Variants in ACAP2 observed in about 807,000 individuals in gnomAD.
The protein encoded by ACAP2 is ArfGAP with coiled-coil, ankyrin repeat and PH domains 2.
ACAP2 carries 39 observed loss-of-function variants against 115.8 expected under a neutral mutation model. That is an observed-to-expected ratio of 0.34 (90% confidence interval 0.26 to 0.44). The LOEUF (loss-of-function observed/expected upper bound fraction) is 0.44. Ranked by LOEUF, ACAP2 falls within the 20% of genes least tolerant of loss-of-function variation. ACAP2 has a pLI of 1.00. For synonymous variants in ACAP2, 289 were observed against 315.8 expected (o/e 0.92, Z 0.90); for missense variants, 662 against 927.6 (o/e 0.71, Z 3.72).
chr3:195,408,799 G>A (rs1399437964), intron 1 of ACAP2, among the ~76,000 whole-genome samples: 1 of 151,960 alleles, frequency 6.6e-6, no homozygotes, highest in Admixed American at 6.6e-5. Flanking sequence ...TTCAACATAT[G>A]AAGAAAAAAC....
rs139282251 is a variant in ACAP2 at position 195,304,527 on chromosome 3, T to C, written c.1116+1984A>G. ...CTACTGTCGCTGCCCCCCATCTCCA[T>C]GCCACTAGGGGATGACTGCTCTCTA... On this transcript the variant is annotated intron_variant, in intron 13 of 22. Coordinates refer to ENST00000326793, the MANE Select transcript of ACAP2 (RefSeq NM_012287.6). Among the ~76,000 whole-genome samples the C allele has an allele frequency of 5.1e-3, 769 of 152,266 alleles. 5 individuals carry two copies. Among genetic ancestry groups the C allele is most frequent in the African/African-American group, 0.018 (743 of 41,548 alleles).
chr3:195,305,872 A>G (rs1284874036), intron 13 of ACAP2, among the ~76,000 whole-genome samples: 1 of 151,886 alleles, frequency 6.6e-6, no homozygotes, highest in Non-Finnish European at 1.5e-5. Flanking sequence ...TATATTTGGG[A>G]GCTGGAAGTT....
At chr3:195,425,246 T>A (rs145837144) in intron 1 of ACAP2, among the ~76,000 whole-genome samples, 1,951 of 152,186 alleles carry the variant, frequency 0.013, 31 homozygotes, top group African/African-American at 0.043. Flanking sequence ...CAACTACCCA[T>A]CAAGACTTAA....
chr3:195,398,034 A>T (rs1022433820), intron 1 of ACAP2, among the ~76,000 whole-genome samples: 5 of 152,224 alleles, frequency 3.3e-5, no homozygotes, highest in Non-Finnish European at 7.3e-5. Context: ...GAGAGACAAA[A>T]ACACAATACT....
intron 12 of ACAP2, 94 bp downstream of exon 12, chr3:195,307,129 T>C: frequency 4.2e-6 from 4 of 960,990 alleles, no homozygotes; most frequent in Admixed American, 2.2e-5. Context: ...TTAGCACAGA[T>C]ACAGACAAAT....
At chr3:195,307,639 C>T (rs554419268) in intron 11 of ACAP2, among the ~76,000 whole-genome samples, 44 of 152,260 alleles carry the variant, frequency 2.9e-4, no homozygotes, top group African/African-American at 1.1e-3. Context: ...TATATTCACT[C>T]TCCTGGTCCC....
chr3:195,393,012 A>C (rs1017577068), intron 1 of ACAP2, among the ~76,000 whole-genome samples: 9 of 152,198 alleles, frequency 5.9e-5, no homozygotes, highest in Non-Finnish European at 1.5e-5. Flanking sequence ...TACACTGAGT[A>C]AGATATTCTC....
chr3:195,360,093 G>A (rs1443647008), intron 4 of ACAP2, among the ~76,000 whole-genome samples: 2 of 151,970 alleles, frequency 1.3e-5, no homozygotes, highest in Non-Finnish European at 2.9e-5. Context: ...GTGGCTGAAT[G>A]GATAAAGAAA....
chr3:195,307,694 T>C (rs1350742471), intron 11 of ACAP2, among the ~76,000 whole-genome samples: 2 of 152,214 alleles, frequency 1.3e-5, no homozygotes, highest in Non-Finnish European at 2.9e-5. Flanking sequence ...AGAGAAGCTT[T>C]TATTCAGTCA....
chr3:195,359,309 T>C (rs1411023186), intron 4 of ACAP2, among the ~76,000 whole-genome samples: 5 of 152,194 alleles, frequency 3.3e-5, no homozygotes, highest in African/African-American at 1.2e-4. Context: ...ACTGTAATTG[T>C]GCTGTGTAAA....
intron 10 of ACAP2, among the ~76,000 whole-genome samples, chr3:195,310,391 G>C (rs984795363): frequency 1.3e-5 from 2 of 152,304 alleles, no homozygotes; most frequent in Middle Eastern, 3.4e-3. Context: ...CAGATAGTTG[G>C]TTAGAAATGT....
At chr3:195,309,995 A>G (rs1728658998) in intron 10 of ACAP2, among the ~76,000 whole-genome samples, 1 of 152,234 alleles carries the variant, frequency 6.6e-6, no homozygotes, top group African/African-American at 2.4e-5. Flanking sequence ...AAGGTAAAAC[A>G]GTATTTGAAT....
chr3:195,295,189 T>TTCC, intron 17 of ACAP2: 2 of 1,282,438 alleles, frequency 1.6e-6, no homozygotes, highest in Non-Finnish European at 2.0e-6. Context: ...ACAAGAGTAG[T>TTCC]ACTTACTACT....
intron 15 of ACAP2, among the ~76,000 whole-genome samples, chr3:195,299,380 T>G (rs6795232): frequency 0.034 from 5,041 of 149,018 alleles, 144 homozygotes; most frequent in East Asian, 0.1. Flanking sequence ...GAACAGCCTT[T>G]GCAACATGGC....
chr3:195,362,296 A>C (rs1732425134), intron 4 of ACAP2, among the ~76,000 whole-genome samples: 1 of 151,416 alleles, frequency 6.6e-6, no homozygotes, highest in African/African-American at 2.4e-5. Context: ...AGCCTGGGCA[A>C]CAAGAGTGAA....
intron 20 of ACAP2, among the ~76,000 whole-genome samples, chr3:195,290,133 G>A (rs1024446615): frequency 6.6e-6 from 1 of 152,270 alleles, no homozygotes; most frequent in Non-Finnish European, 1.5e-5. Context: ...CTACTCAGAA[G>A]GCAGAGGTAG....
intron 10 of ACAP2, chr3:195,312,844 A>C (rs2109004922): frequency 6.6e-6 from 1 of 152,328 alleles, no homozygotes; most frequent in South Asian, 2.1e-4. Context: ...CTTTTCATCC[A>C]TTGCAAGTAA....
At chr3:195,355,951 T>G in intron 4 of ACAP2, 1 of 329,224 alleles carries the variant, frequency 3.0e-6, no homozygotes. Flanking sequence ...GGCAGAGCAA[T>G]ATGGCCAAAT....
intron 1 of ACAP2, among the ~76,000 whole-genome samples, chr3:195,438,025 TTTTC>T (rs1715693973): frequency 1.7e-5 from 1 of 58,574 alleles, no homozygotes; most frequent in African/African-American, 1.2e-4. Flanking sequence ...CCTGCAAGAA[TTTTC>T]TTTTTTTTTT....
Sources: gnomAD v4.1 joint callset for allele counts (sites outside exome capture counted in the v4.1 genomes callset) on GRCh38, gnomAD v4.1.1 for gene constraint, MANE v1.5 for transcripts, NCBI Gene and HGNC (gene_info 2026-07-23, HGNC 2026-07-21) for gene names.